ERC2: variants seen among roughly 807,000 people sequenced by gnomAD.
The protein encoded by ERC2 is ELKS/RAB6-interacting/CAST family member 2, also known as ERC protein 2.
ERC2 carries 42 observed loss-of-function variants against 114.8 expected under a neutral mutation model. The ratio of observed to expected loss-of-function variants is 0.37; its 90% CI spans 0.29 to 0.47. The LOEUF (loss-of-function observed/expected upper bound fraction) is 0.47, where lower values mean the gene tolerates loss of function less well. Ranked by LOEUF, ERC2 falls within the 20% of genes least tolerant of loss-of-function variation. ERC2 has a pLI of 0.99. For synonymous variants in ERC2, 454 were observed against 425.5 expected (o/e 1.07, Z -0.82); for missense variants, 939 against 1,150.7 (o/e 0.82, Z 2.66).
At chr3:55,811,194 T>C (rs2059709444) in intron 14 of ERC2, among the ~76,000 whole-genome samples, 1 of 152,228 alleles carries the variant, frequency 6.6e-6, no homozygotes, top group African/African-American at 2.4e-5. Flanking sequence ...GGGGCCACCA[T>C]ATTAACATCA....
At chr3:56,290,083 G>A (rs572263536) in intron 3 of ERC2, among the ~76,000 whole-genome samples, 1 of 152,266 alleles carries the variant, frequency 6.6e-6, no homozygotes, top group African/African-American at 2.4e-5. Flanking sequence ...ATCCTCCATA[G>A]GGATGCTCAA....
chr3:55,915,457 G>C (rs11712729), intron 13 of ERC2, among the ~76,000 whole-genome samples: 41,051 of 151,958 alleles, frequency 0.27, 5,847 homozygotes, highest in Admixed American at 0.35. Context: ...AATACACCTT[G>C]GTTTCAGAAA....
intron 17 of ERC2, among the ~76,000 whole-genome samples, chr3:55,601,212 C>T (rs1179473788): frequency 1.3e-5 from 2 of 152,084 alleles, no homozygotes; most frequent in Non-Finnish European, 2.9e-5. Context: ...ACCCAGAAAG[C>T]CAGAATCGTA....
intron 7 of ERC2, among the ~76,000 whole-genome samples, chr3:56,068,476 A>T (rs529773966): frequency 1.9e-3 from 280 of 149,258 alleles, no homozygotes; most frequent in Middle Eastern, 3.4e-3. Context: ...TTATTTATTT[A>T]TTTTTTTCCA....
intron 5 of ERC2, among the ~76,000 whole-genome samples, chr3:56,140,041 G>C (rs573237013): frequency 6.6e-6 from 1 of 152,066 alleles, no homozygotes; most frequent in East Asian, 1.9e-4. Flanking sequence ...ATCTAACATG[G>C]GTAATTAAAC....
chr3:56,188,099 G>A (rs1271052851), intron 3 of ERC2, among the ~76,000 whole-genome samples: 1 of 152,150 alleles, frequency 6.6e-6, no homozygotes, highest in Non-Finnish European at 1.5e-5. Flanking sequence ...CATCCACTAA[G>A]TCCACTGCAA....
intron 17 of ERC2, among the ~76,000 whole-genome samples, chr3:55,633,124 T>C (rs1281844147): frequency 6.6e-6 from 1 of 152,168 alleles, no homozygotes; most frequent in Non-Finnish European, 1.5e-5. Context: ...AAGTAACCAA[T>C]GTCTAGTACT....
At chr3:55,813,508 T>C (rs945643224) in intron 14 of ERC2, among the ~76,000 whole-genome samples, 2 of 152,172 alleles carry the variant, frequency 1.3e-5, no homozygotes, top group Admixed American at 1.3e-4. Flanking sequence ...TACTCCACAC[T>C]GCTTCTCAGT....
chr3:55,940,827 CA>C (rs1030206872), intron 13 of ERC2, among the ~76,000 whole-genome samples: 2 of 152,132 alleles, frequency 1.3e-5, no homozygotes, highest in African/African-American at 4.8e-5. Flanking sequence ...AAAATCCATG[CA>C]AAACCCCGTT....
At chr3:56,097,516 C>T (rs144800087) in intron 6 of ERC2, among the ~76,000 whole-genome samples, 2,759 of 152,190 alleles carry the variant, frequency 0.018, 27 homozygotes, top group Admixed American at 0.03. Context: ...GTGTATAAAT[C>T]AATTTACTGT....
intron 15 of ERC2, among the ~76,000 whole-genome samples, chr3:55,705,471 A>G (rs2063433846): frequency 6.6e-6 from 1 of 152,120 alleles, no homozygotes; most frequent in African/African-American, 2.4e-5. Flanking sequence ...TGAGATGAAA[A>G]TTCACCACCT....
chr3:55,872,996 A>G (rs1303480904), intron 14 of ERC2, among the ~76,000 whole-genome samples: 1 of 152,018 alleles, frequency 6.6e-6, no homozygotes, highest in Non-Finnish European at 1.5e-5. Context: ...CAACTGGGGG[A>G]GGGAAATTGA....
chr3:55,629,176 C>G (rs540490047), intron 17 of ERC2, among the ~76,000 whole-genome samples: 1 of 152,112 alleles, frequency 6.6e-6, no homozygotes. Flanking sequence ...CTGGGCCTCG[C>G]GGCTCACTTG....
At chr3:56,112,428 GACAGACAC>G (rs2079009931) in intron 6 of ERC2, among the ~76,000 whole-genome samples, 2 of 72,726 alleles carry the variant, frequency 2.8e-5, no homozygotes, top group African/African-American at 5.0e-5. Flanking sequence ...AGAAAAGACA[GACAGACAC>G]ACACACACAC....
chr3:55,807,856 T>C (rs1266619186), intron 14 of ERC2, among the ~76,000 whole-genome samples: 2 of 152,176 alleles, frequency 1.3e-5, no homozygotes, highest in Non-Finnish European at 2.9e-5. Flanking sequence ...TTATTTAGAC[T>C]GTCCTTGGAA....
intron 17 of ERC2, among the ~76,000 whole-genome samples, chr3:55,637,687 G>GT (rs1304220945): frequency 2.0e-5 from 3 of 151,946 alleles, no homozygotes; most frequent in Non-Finnish European, 4.4e-5. Context: ...GATATGTTTA[G>GT]TTTTTTTTGT....
intron 1 of ERC2, among the ~76,000 whole-genome samples, chr3:56,449,609 C>A (rs2062740904): frequency 1.3e-5 from 2 of 152,182 alleles, no homozygotes; most frequent in South Asian, 4.1e-4. Flanking sequence ...AGAGGAGCCT[C>A]AAAATCAGAT....
At chr3:55,941,285 C>T (rs1437896145) in intron 13 of ERC2, among the ~76,000 whole-genome samples, 3 of 152,142 alleles carry the variant, frequency 2.0e-5, no homozygotes, top group Admixed American at 6.5e-5. Flanking sequence ...GTTTGCTGTA[C>T]ATGTAGATGC....
At chr3:55,808,701 T>TTATATATATATA (rs377604698) in intron 14 of ERC2, among the ~76,000 whole-genome samples, 113 of 61,698 alleles carry the variant, frequency 1.8e-3, no homozygotes, top group Non-Finnish European at 2.4e-3. Context: ...TACCATAATT[T>TTATATATATATA]TATATATATA....
Sources: allele counts gnomAD v4.1 joint callset (sites outside exome capture counted in the v4.1 genomes callset), GRCh38; gene constraint gnomAD v4.1.1; transcripts MANE v1.5; gene names NCBI Gene and HGNC (gene_info 2026-07-23, HGNC 2026-07-21).